PDE1C: variants seen among roughly 807,000 people sequenced by gnomAD.
The protein encoded by PDE1C is dual specificity calcium/calmodulin-dependent 3',5'-cyclic nucleotide phosphodiesterase 1C.
In PDE1C, 62 loss-of-function variants were observed where a neutral mutation model predicts 93.1. The observed-to-expected ratio is 0.67, with a 90% confidence interval of 0.54 to 0.82. The LOEUF is 0.82. Among genes scored for constraint, PDE1C ranks in the 40% least tolerant of loss-of-function variants. The pLI is 0.00. For synonymous variants in PDE1C, 325 were observed against 310.1 expected (o/e 1.05, Z -0.50); for missense variants, 742 against 884.6 (o/e 0.84, Z 2.04).
intron 1 of PDE1C, among the ~76,000 whole-genome samples, chr7:32,260,913 G>T (rs55891226): frequency 5.3e-5 from 8 of 152,150 alleles, no homozygotes; most frequent in African/African-American, 1.9e-4. Context: ...CTGAGGTCAG[G>T]AGTTCAAGAC....
At chr7:31,794,117 C>T (rs556763196) in intron 16 of PDE1C, among the ~76,000 whole-genome samples, 11 of 140,922 alleles carry the variant, frequency 7.8e-5, no homozygotes, top group South Asian at 2.4e-4. Flanking sequence ...GATGGGCAGG[C>T]GGGCAGGCAG....
chr7:32,334,065 T>A (rs1161620876), intron 1 of PDE1C, among the ~76,000 whole-genome samples: 2 of 152,088 alleles, frequency 1.3e-5, no homozygotes, highest in African/African-American at 4.8e-5. Flanking sequence ...AAAAATAAAA[T>A]TAACCACCAA....
the PDE1C span, among the ~76,000 whole-genome samples, chr7:31,635,520 G>GT: frequency 2.0e-5 from 3 of 152,144 alleles, no homozygotes; most frequent in Non-Finnish European, 4.4e-5. Context: ...ACATTGGTTT[G>GT]TTTTTTGTGC....
intron 1 of PDE1C, among the ~76,000 whole-genome samples, chr7:32,298,462 G>A (rs948925550): frequency 6.6e-6 from 1 of 152,102 alleles, no homozygotes; most frequent in Non-Finnish European, 1.5e-5. Flanking sequence ...GGGGTGCCGG[G>A]GGGGACAGCC....
rs998443439 is a variant in PDE1C, at chr7:31,792,901, C to T, written c.1891+16130G>A. Among the ~76,000 whole-genome samples the T allele has an allele frequency of 3.3e-5, 5 of 152,056 alleles. No individual in the cohort carries two copies. In the East Asian group the frequency reaches 9.7e-4, roughly 29 times the overall value. ...AGTGACTGATGAATTGAAATGGAAA[C>T]TTTCTTGCCACATCTTGGAATAATT... On this transcript the variant is annotated intron_variant, in intron 16 of 17. Coordinates refer to ENST00000396191, the MANE Select transcript of PDE1C (RefSeq NM_001191057.4).
intron 1 of PDE1C, among the ~76,000 whole-genome samples, chr7:32,062,545 A>G (rs905330218): frequency 6.6e-6 from 1 of 152,056 alleles, no homozygotes; most frequent in Non-Finnish European, 1.5e-5. Flanking sequence ...AATTTACATA[A>G]TCTTCATGTC....
chr7:31,637,557 A>G, the PDE1C span, among the ~76,000 whole-genome samples: 7 of 152,184 alleles, frequency 4.6e-5, no homozygotes, highest in East Asian at 1.9e-4. Flanking sequence ...GTCTGTTCAT[A>G]TCCTTTACCC....
chr7:31,730,939 CAATA>C, the PDE1C span, among the ~76,000 whole-genome samples: 1 of 151,862 alleles, frequency 6.6e-6, no homozygotes, highest in South Asian at 2.1e-4. Flanking sequence ...TAAAATATCC[CAATA>C]AGTCAGAAAA....
intron 1 of PDE1C, among the ~76,000 whole-genome samples, chr7:32,398,595 G>C (rs1010303729): frequency 9.2e-5 from 14 of 151,854 alleles, no homozygotes; most frequent in Non-Finnish European, 1.0e-4. Context: ...CACCATATTG[G>C]CCAGGCAGGT....
chr7:31,848,362 C>G (rs1267610152), intron 8 of PDE1C, among the ~76,000 whole-genome samples: 5 of 152,118 alleles, frequency 3.3e-5, no homozygotes, highest in Admixed American at 3.3e-4. Context: ...AACCAGATCT[C>G]AATTACCTAT....
chr7:32,417,519 A>C (rs1785298806), intron 1 of PDE1C, among the ~76,000 whole-genome samples: 1 of 152,176 alleles, frequency 6.6e-6, no homozygotes, highest in Non-Finnish European at 1.5e-5. Context: ...TGAAGTTCAC[A>C]GGGTTCGAGT....
At chr7:31,662,170 A>G in the PDE1C span, among the ~76,000 whole-genome samples, 1 of 152,142 alleles carries the variant, frequency 6.6e-6, no homozygotes, top group Non-Finnish European at 1.5e-5. Flanking sequence ...CTGTTTATTC[A>G]CCCTGGAAGG....
At chr7:31,859,731 G>A (rs1421549376) in intron 7 of PDE1C, among the ~76,000 whole-genome samples, 1 of 151,932 alleles carries the variant, frequency 6.6e-6, no homozygotes. Flanking sequence ...GTTCCCTTTG[G>A]CCATTACTTC....
At chr7:32,124,242 T>C (rs935444836) in intron 3 of PDE1C, among the ~76,000 whole-genome samples, 5 of 152,276 alleles carry the variant, frequency 3.3e-5, no homozygotes, top group African/African-American at 1.2e-4. Flanking sequence ...TCCTCATGGG[T>C]AGGAAGAATC....
At chr7:31,644,325 T>C in the PDE1C span, among the ~76,000 whole-genome samples, 7 of 152,356 alleles carry the variant, frequency 4.6e-5, no homozygotes, top group African/African-American at 1.4e-4. Flanking sequence ...AGCTATATAA[T>C]CTTGCACAAG....
chr7:31,737,762 T>G, the PDE1C span, among the ~76,000 whole-genome samples: 1 of 146,536 alleles, frequency 6.8e-6, no homozygotes, highest in East Asian at 2.0e-4. Context: ...GATCGCACCA[T>G]TGCACTCCAG....
chr7:32,071,670 C>G (rs183641480), upstream of PDE1C, among the ~76,000 whole-genome samples: 36 of 152,324 alleles, frequency 2.4e-4, no homozygotes, highest in African/African-American at 8.7e-4. Context: ...AGCTGCAACT[C>G]ACTGTCAGGG....
intron 2 of PDE1C, among the ~76,000 whole-genome samples, chr7:31,925,079 G>A (rs905678348): frequency 4.1e-5 from 6 of 146,496 alleles, no homozygotes; most frequent in African/African-American, 1.6e-4. Context: ...GTGTGTGTGT[G>A]TGTGTGTGTG....
intron 2 of PDE1C, among the ~76,000 whole-genome samples, chr7:31,977,174 C>A (rs1210072130): frequency 6.6e-6 from 1 of 152,046 alleles, no homozygotes; most frequent in African/African-American, 2.4e-5. Context: ...GGAGGTGGGG[C>A]CTTTGGGAGG....
Sources: allele counts gnomAD v4.1 joint callset (sites outside exome capture counted in the v4.1 genomes callset), GRCh38; gene constraint gnomAD v4.1.1; transcripts MANE v1.5; gene names NCBI Gene and HGNC (gene_info 2026-07-23, HGNC 2026-07-21).